The following PLEKHG3 variants were observed in gnomAD, a reference collection of about 807,000 sequenced individuals.
PLEKHG3 encodes the protein pleckstrin homology and RhoGEF domain containing G3, also known as pleckstrin homology domain-containing family G member 3.
In PLEKHG3, 62 loss-of-function variants were observed where a neutral mutation model predicts 94.9. That is an observed-to-expected ratio of 0.65 (90% CI 0.53 to 0.81). The LOEUF is 0.81. Among genes scored for constraint, PLEKHG3 ranks in the 30% least tolerant of loss-of-function variants. The pLI is 0.00. For missense variants in PLEKHG3, 1,461 were observed against 1,619.3 expected, an observed-to-expected ratio of 0.90 and a Z score of 1.68; for synonymous variants, 614 against 654.0, an observed-to-expected ratio of 0.94 and a Z score of 0.93.
rs1055200742 is a variant in PLEKHG3 at position 64,738,501 on chromosome 14, G to A, written c.1405-241G>A. Among the ~76,000 whole-genome samples, 3 of 152,224 alleles carry A rather than the reference G, an allele frequency of 2.0e-5. No individual in the cohort carries two copies. The highest frequency in any genetic ancestry group is 4.4e-5 in the Non-Finnish European group (3 of 68,028). On this transcript the variant is annotated intron_variant, in intron 14 of 16. Transcript: ENST00000247226. This position sits in a 1 kb window ranked among gnomAD's most constrained non-coding sequence, Gnocchi z 4.8. ...GCTAGCACACAGTGGGGCTGGAAAG[G>A]TCAAGTCCACTTTGGAGGGACAGAA...
At chr14:64,714,945 A>G (rs1032998380) in intron 1 of PLEKHG3, among the ~76,000 whole-genome samples, 1 of 152,158 alleles carries the variant, frequency 6.6e-6, no homozygotes, top group African/African-American at 2.4e-5. Flanking sequence ...TCTTACCTCT[A>G]GGAGGTTGTT....
In PLEKHG3 at chr14:64,744,278, T is replaced by C. The variant is rs2081785565; in HGVS notation, c.*575T>C. On this transcript the variant is annotated 3_prime_UTR_variant, in exon 17 of 17. Transcript: ENST00000247226. ...TTTGAGGGTTGTTGTGCTGACCCTGTGGTTGTCGCTGATGTACACACATTT... is the reference window on the plus strand; with the variant it reads ...TTTGAGGGTTGTTGTGCTGACCCTGCGGTTGTCGCTGATGTACACACATTT... 1 of 152,826 alleles carries C rather than the reference T, an allele frequency of 6.5e-6. No individual in the cohort carries two copies. The highest frequency in any genetic ancestry group is 2.4e-5 in the African/African-American group (1 of 41,468). The allele number at this position is 152,826 out of a possible 1,614,324, so 9.5% of individuals were successfully genotyped here. A position where few individuals can be genotyped will look rare whatever the true frequency, so the allele number is the denominator to read the frequency against.
At chr14:64,736,946 A>T in intron 13 of PLEKHG3, 55 bp downstream of exon 13, 13 of 1,386,438 alleles carry the variant, frequency 9.4e-6, no homozygotes, top group Non-Finnish European at 1.3e-5. Context: ...AGGAGGGAGG[A>T]GGGGAAGCAG....
chr14:64,733,233 C>T (rs534088009), intron 12 of PLEKHG3, among the ~76,000 whole-genome samples: 62 of 147,464 alleles, frequency 4.2e-4, no homozygotes, highest in Middle Eastern at 3.6e-3. Context: ...GGCTCGATCT[C>T]GGCTCACTGC....
rs1396890796 is a variant in PLEKHG3 at position 64,743,969 on chromosome 14, C to A, written c.*266C>A. On this transcript the variant is annotated 3_prime_UTR_variant, in exon 17 of 17. Coordinates refer to ENST00000247226, the MANE Select transcript of PLEKHG3 (RefSeq NM_001308147.2). The surrounding 1 kb of genome is among the most constrained non-coding windows in gnomAD (Gnocchi z 7.2). ...AAATAGTTGTTCTCTGGTAAGAAGC[C>A]AAATATTTAAGCTCACTTCTTCCCA... 7 of 349,692 alleles carry A rather than the reference C, an allele frequency of 2.0e-5. No individual in the cohort carries two copies. The highest frequency in any genetic ancestry group is 4.5e-5 in the Admixed American group (1 of 22,074). The allele number at this position is 349,692 out of a possible 1,614,324, so 21.7% of individuals were successfully genotyped here.
Position 64,731,256 on chromosome 14 carries a change from G to T in PLEKHG3, c.849+87G>T. 6.9e-7 allele frequency: 1 copy of T among 1,457,108 alleles called. No homozygotes were observed. 90.3% of individuals were successfully genotyped at this position (1,457,108 alleles called of 1,614,324 possible). A position where few individuals can be genotyped will look rare whatever the true frequency, so the allele number is the denominator to read the frequency against. On this transcript the variant is annotated intron_variant, in intron 7 of 16. Coordinates refer to ENST00000247226, the MANE Select transcript of PLEKHG3 (RefSeq NM_001308147.2). This position sits in a 1 kb window ranked among gnomAD's most constrained non-coding sequence, Gnocchi z 6.1. ...AAGAGGGACTGTGGCCACCCTGCTG[G>T]GATGAGCTGGGCAGTGGCATTGGGG...
In PLEKHG3 at chr14:64,731,395, C is replaced by T. The variant is rs773723739; in HGVS notation, c.884C>T (p.Pro295Leu). ...IQSLLINWKG[P>L]DLTTYGELVL... ...TCACTCCTCATCAACTGGAAGGGGCCCGACCTGACCACCTACGGGGAGCTT... is the reference window on the plus strand; with the variant it reads ...TCACTCCTCATCAACTGGAAGGGGCTCGACCTGACCACCTACGGGGAGCTT... Residue 295 changes from proline (P) to leucine (L), a missense_variant, in exon 8 of 17, where the codon CCC becomes CTC. Transcript: ENST00000247226. The surrounding 1 kb of genome is among the most constrained non-coding windows in gnomAD (Gnocchi z 6.1). 6.2e-7 allele frequency: 1 copy of T among 1,613,962 alleles called. No homozygotes were observed. The highest frequency in any genetic ancestry group is 8.5e-7 in the Non-Finnish European group (1 of 1,179,976).
At chr14:64,729,161 C>T (rs576688805) in intron 3 of PLEKHG3, 68 bp downstream of exon 3, 1 of 661,790 alleles carries the variant, frequency 1.5e-6, no homozygotes, top group African/African-American at 1.8e-5. Flanking sequence ...TAGGGAGGAA[C>T]CCTGGATGTC....
rs2081157393 is a variant in PLEKHG3, at chr14:64,716,481, AACACACACACACACAACACACACAC to A, written c.-39-11096_-39-11072del. Among the ~76,000 whole-genome samples the A allele has an allele frequency of 5.2e-5, 6 of 116,402 alleles. No individual in the cohort carries two copies. Among genetic ancestry groups the A allele is most frequent in the African/African-American group, 2.1e-4 (6 of 28,374 alleles). 76.4% of individuals were successfully genotyped at this position (116,402 alleles called of 152,430 possible). On this transcript the variant is annotated intron_variant, in intron 1 of 16. Coordinates refer to ENST00000247226, the MANE Select transcript of PLEKHG3 (RefSeq NM_001308147.2). The surrounding 1 kb of genome is among the most constrained non-coding windows in gnomAD (Gnocchi z 5.0). ...ACACACACACAACACACACACACAC[AACACACACACACACAACACACACAC>A]ACACACACACACACACACACACACA... is the stretch of plus-strand genomic sequence containing the variant.
At position 64,746,805 on chromosome 14, in the gene PLEKHG3, A is replaced by C. The variant is rs2081851040; in HGVS notation, c.*3102A>C. 6.6e-6 allele frequency: 1 copy of C among 152,582 alleles called. No homozygotes were observed. Among genetic ancestry groups the C allele is most frequent in the Non-Finnish European group, 1.5e-5 (1 of 68,120 alleles). 9.5% of individuals were successfully genotyped at this position (152,582 alleles called of 1,614,324 possible). A position where few individuals can be genotyped will look rare whatever the true frequency, so the allele number is the denominator to read the frequency against. On this transcript the variant is annotated 3_prime_UTR_variant, in exon 17 of 17. Transcript: ENST00000247226. This position sits in a 1 kb window ranked among gnomAD's most constrained non-coding sequence, Gnocchi z 4.9. ...GAGCTTCCTCTAAACTGCCCTGGGA[A>C]GGAAGCCTGGTATGCTGGTGTGGAC...
Position 64,723,493 on chromosome 14 carries a change from AAG to A in PLEKHG3, c.-39-4097_-39-4096del, listed in dbSNP as rs556305129. ...GGTTTCACAAGTATAGGACTTGAGA[AAG>A]AGTTTTCTTTTTTCTTTTTTTTTGA... On this transcript the variant is annotated intron_variant, in intron 1 of 16. Transcript: ENST00000247226. This position sits in a 1 kb window ranked among gnomAD's most constrained non-coding sequence, Gnocchi z 4.5. Among the ~76,000 whole-genome samples, 3 of 152,014 alleles carry A rather than the reference AAG, an allele frequency of 2.0e-5. No homozygotes were observed. Among genetic ancestry groups the A allele is most frequent in the Admixed American group, 2.0e-4 (3 of 15,290 alleles).
Position 64,738,292 on chromosome 14 carries a change from C to A in PLEKHG3, c.1405-450C>A. On this transcript the variant is annotated intron_variant, in intron 14 of 16. Transcript: ENST00000247226. The surrounding 1 kb of genome is among the most constrained non-coding windows in gnomAD (Gnocchi z 4.8). Reference sequence around the variant, plus strand: ...TGGGATGTGCATGCCCACCCGAGGGCCCCCTCTGCTGCCCTCCTCACCCCA... The same window carrying A: ...TGGGATGTGCATGCCCACCCGAGGGACCCCTCTGCTGCCCTCCTCACCCCA... The A allele has an allele frequency of 2.9e-6, 3 of 1,044,172 alleles. No homozygotes were observed. The highest frequency in any genetic ancestry group is 3.9e-6 in the Non-Finnish European group (3 of 775,072). 64.7% of individuals were successfully genotyped at this position (1,044,172 alleles called of 1,614,324 possible). A position where few individuals can be genotyped will look rare whatever the true frequency, so the allele number is the denominator to read the frequency against.
Position 64,728,942 on chromosome 14 carries a change from G to T in PLEKHG3, c.352-54G>T, listed in dbSNP as rs906998316. The T allele has an allele frequency of 8.7e-6, 6 of 690,066 alleles. No homozygotes were observed. Among genetic ancestry groups the T allele is most frequent in the African/African-American group, 5.3e-5 (3 of 56,378 alleles). The allele number at this position is 690,066 out of a possible 1,614,324, so 42.7% of individuals were successfully genotyped here. A position where few individuals can be genotyped will look rare whatever the true frequency, so the allele number is the denominator to read the frequency against. ...CCGAAACGAGGTGTGGCTAGGGAAG[G>T]TAGTGGGCAGGGTTGTGCCGGGGGC... On this transcript the variant is annotated intron_variant, in intron 2 of 16. Transcript: ENST00000247226. The surrounding 1 kb of genome is among the most constrained non-coding windows in gnomAD (Gnocchi z 5.9).
chr14:64,743,221 C>G lies in PLEKHG3; in HGVS notation c.3178C>G (p.Arg1060Gly). The G allele has an allele frequency of 6.2e-7, 1 of 1,608,924 alleles. No homozygotes were observed. The highest frequency in any genetic ancestry group is 8.5e-7 in the Non-Finnish European group (1 of 1,179,522). The change falls in exon 17 of 17, where the codon CGC becomes GGC. Residue 1060 changes from arginine to glycine, a missense_variant. Around this residue, in one of 3 missense-constraint regions of PLEKHG3, gnomAD observed 1,201 missense variants for 1,295.5 expected, o/e 0.93. Coordinates refer to ENST00000247226, the MANE Select transcript of PLEKHG3 (RefSeq NM_001308147.2). This position sits in a 1 kb window ranked among gnomAD's most constrained non-coding sequence, Gnocchi z 7.2. The stretch of plus-strand genomic sequence containing the variant: ...TGAGCTCTGCTCCAAGTATGCCTCC[C>G]GCGATGAGGCACGCCGAGCAGGGGG... ...VRELCSKYAS[R>G]DEARRAGGGR...
In PLEKHG3 at chr14:64,739,944, T is replaced by C. The variant is rs1236531909; in HGVS notation, c.1518+1089T>C. 6.6e-6 allele frequency among the ~76,000 whole-genome samples: 1 copy of C among 152,144 alleles called. No homozygotes were observed. The highest frequency in any genetic ancestry group is 1.5e-5 in the Non-Finnish European group (1 of 68,028). On this transcript the variant is annotated intron_variant, in intron 15 of 16. Coordinates refer to ENST00000247226, the MANE Select transcript of PLEKHG3 (RefSeq NM_001308147.2). The surrounding 1 kb of genome is among the most constrained non-coding windows in gnomAD (Gnocchi z 4.1). ...AGCAAATTGGGGTGTCAAATAATAATACAATGAGAACCACCCATTACAAAG... is the reference window on the plus strand; with the variant it reads ...AGCAAATTGGGGTGTCAAATAATAACACAATGAGAACCACCCATTACAAAG...
At chr14:64,710,576 C>A (rs1445493768) in intron 1 of PLEKHG3, among the ~76,000 whole-genome samples, 2 of 152,112 alleles carry the variant, frequency 1.3e-5, no homozygotes, top group Non-Finnish European at 2.9e-5. Flanking sequence ...GAGGCTGAGG[C>A]AGGAGAATCA....
chr14:64,741,447 C>T lies in PLEKHG3; in HGVS notation c.1930C>T (p.Leu644=), dbSNP rs536241973. The change falls in exon 16 of 17, where the codon CTG becomes TTG. Residue 644 remains leucine (L), a synonymous_variant. Transcript: ENST00000247226. The stretch of plus-strand genomic sequence containing the variant: ...CAGCCGGAGCAGCAGCGTGCTCAGC[C>T]TGGAGGGCAGCGAGAAGGGCCTGGC... ...LVSRSSSVLS[L]EGSEKGLARH... is the part of the protein sequence containing the mutation. The T allele has an allele frequency of 6.2e-7, 1 of 1,612,796 alleles. No individual in the cohort carries two copies. The highest frequency in any genetic ancestry group is 8.5e-7 in the Non-Finnish European group (1 of 1,180,012).
In PLEKHG3 at chr14:64,720,289, C is replaced by A. The variant is rs1194948907; in HGVS notation, c.-39-7304C>A. Among the ~76,000 whole-genome samples the A allele has an allele frequency of 6.6e-6, 1 of 152,170 alleles. No homozygotes were observed. On this transcript the variant is annotated intron_variant, in intron 1 of 16. Coordinates refer to ENST00000247226, the MANE Select transcript of PLEKHG3 (RefSeq NM_001308147.2). The surrounding 1 kb of genome is among the most constrained non-coding windows in gnomAD (Gnocchi z 4.1). ...CGTGCTCTAGCTCCCTGTCTGGGGC[C>A]AAGTAGGATGGGACTACCGGGGTGA... is the stretch of plus-strand genomic sequence containing the variant.
In PLEKHG3 at chr14:64,742,081, G is replaced by A. The variant is rs774993962; in HGVS notation, c.2564G>A (p.Gly855Glu). 1 of 1,609,286 alleles carries A rather than the reference G, an allele frequency of 6.2e-7. No individual in the cohort carries two copies. Among genetic ancestry groups the A allele is most frequent in the East Asian group, 2.2e-5 (1 of 44,804 alleles). The change falls in exon 16 of 17, where the codon GGA becomes GAA. Residue 855 changes from glycine to glutamate, a missense_variant. By Grantham distance (98) the Gly-to-Glu change is moderately conservative. Transcript: ENST00000247226. The stretch of plus-strand genomic sequence containing the variant: ...TTCATCCTGGAGGAGCATGAGCTGG[G>A]AGCCATCACAGAGGAGTCGGCCACT... ...PLFILEEHEL[G>E]AITEESATAS...
Sources: gnomAD v4.1 joint callset for allele counts (sites outside exome capture counted in the v4.1 genomes callset) on GRCh38, gnomAD v4.1.1 for gene constraint, gnomAD v4.1.1 regional missense constraint, Gnocchi (gnomAD v3.1) non-coding constraint, MANE v1.5 for transcripts, NCBI Gene and HGNC (gene_info 2026-07-23, HGNC 2026-07-21) for gene names.